Variants in PRKCE observed in about 807,000 individuals in gnomAD.
PRKCE encodes protein kinase C epsilon type.
PRKCE carries 16 observed loss-of-function variants against 85.4 expected under a neutral mutation model. The ratio of observed to expected loss-of-function variants is 0.19; its 90% CI spans 0.13 to 0.28. PRKCE has a LOEUF of 0.28. Ranked by LOEUF, PRKCE falls within the 10% of genes least tolerant of loss-of-function variation. The probability of loss-of-function intolerance (pLI) is 1.00; values close to 1 mark genes in which losing one functional copy is unlikely to be tolerated. For synonymous variants in PRKCE, 388 were observed against 371.5 expected, an observed-to-expected ratio of 1.04 and a Z score of -0.51; for missense variants, 573 against 975.2, an observed-to-expected ratio of 0.59 and a Z score of 5.49.
chr2:45,820,110 A>G (rs892909782), intron 1 of PRKCE, among the ~76,000 whole-genome samples: 22 of 152,222 alleles, frequency 1.4e-4, no homozygotes, highest in Admixed American at 1.0e-3. Context: ...CGAATCCTCA[A>G]TGGGATTTTC....
chr2:45,945,385 T>G (rs1252093576), intron 2 of PRKCE, among the ~76,000 whole-genome samples: 1 of 151,248 alleles, frequency 6.6e-6, no homozygotes, highest in Non-Finnish European at 1.5e-5. Flanking sequence ...GGTGTCATAC[T>G]CTGTCAAACA....
rs1297750589 is a variant in PRKCE at position 45,709,802 on chromosome 2, G to T, written c.348+57354G>T. 2.6e-5 allele frequency among the ~76,000 whole-genome samples: 4 copies of T among 152,106 alleles called. No individual in the cohort carries two copies. In the East Asian group the frequency reaches 7.7e-4, roughly 29 times the overall value. ...GAGAGATGTCTCCTGTCTCCCCTGT[G>T]ACCATGTATCTTTTTTTTTGTTTGT... On this transcript the variant is annotated intron_variant, in intron 1 of 14. Coordinates refer to ENST00000306156, the MANE Select transcript of PRKCE (RefSeq NM_005400.3).
chr2:46,183,390 T>C (rs1159607050), intron 14 of PRKCE, among the ~76,000 whole-genome samples: 1 of 152,248 alleles, frequency 6.6e-6, no homozygotes, highest in African/African-American at 2.4e-5. Context: ...GAGCATAGCA[T>C]ATATTAATAT....
At chr2:45,973,565 C>T (rs774720009) in intron 2 of PRKCE, among the ~76,000 whole-genome samples, 4 of 152,220 alleles carry the variant, frequency 2.6e-5, no homozygotes, top group Admixed American at 6.5e-5. Context: ...CTCTGACTTA[C>T]AGGAGTTATC....
chr2:46,106,565 AG>A (rs1671739654), intron 11 of PRKCE, among the ~76,000 whole-genome samples: 1 of 152,216 alleles, frequency 6.6e-6, no homozygotes, highest in African/African-American at 2.4e-5. Context: ...GCAAATTCCA[AG>A]GGCCATAACA....
chr2:45,835,751 C>T (rs1294960599), intron 1 of PRKCE, among the ~76,000 whole-genome samples: 2 of 152,090 alleles, frequency 1.3e-5, no homozygotes, highest in South Asian at 4.2e-4. Flanking sequence ...CCACCATGCT[C>T]AGCTATTTTT....
intron 11 of PRKCE, among the ~76,000 whole-genome samples, chr2:46,096,366 T>G (rs1670679236): frequency 6.6e-6 from 1 of 152,154 alleles, no homozygotes; most frequent in East Asian, 1.9e-4. Context: ...AGTTCTGGAG[T>G]CAGAAAGTGA....
intron 10 of PRKCE, among the ~76,000 whole-genome samples, chr2:46,030,648 C>T (rs1270460923): frequency 6.6e-6 from 1 of 152,196 alleles, no homozygotes; most frequent in Non-Finnish European, 1.5e-5. Flanking sequence ...TTCAGGGTCT[C>T]TGAAATTAAT....
At chr2:45,877,240 C>T (rs1694547818) in intron 2 of PRKCE, among the ~76,000 whole-genome samples, 1 of 152,098 alleles carries the variant, frequency 6.6e-6, no homozygotes, top group African/African-American at 2.4e-5. Flanking sequence ...GTCCCCTCAC[C>T]CCATCTCTTT....
At chr2:46,055,963 A>G (rs1051654798) in intron 10 of PRKCE, among the ~76,000 whole-genome samples, 1 of 152,146 alleles carries the variant, frequency 6.6e-6, no homozygotes, top group Admixed American at 6.5e-5. Flanking sequence ...GCGCCCGGCC[A>G]GTAAGTCTAA....
At chr2:45,784,012 C>T (rs1308686569) in intron 1 of PRKCE, among the ~76,000 whole-genome samples, 7 of 152,264 alleles carry the variant, frequency 4.6e-5, no homozygotes, top group Non-Finnish European at 1.0e-4. Context: ...CAGTCACACA[C>T]ACACTCACCC....
At chr2:46,030,766 A>C (rs1157043369) in intron 10 of PRKCE, among the ~76,000 whole-genome samples, 1 of 152,208 alleles carries the variant, frequency 6.6e-6, no homozygotes, top group East Asian at 1.9e-4. Flanking sequence ...TCCACCTTCT[A>C]ACCCACCATT....
intron 2 of PRKCE, among the ~76,000 whole-genome samples, chr2:45,955,297 A>G (rs1574012808): frequency 6.6e-6 from 1 of 152,256 alleles, no homozygotes; most frequent in Middle Eastern, 3.4e-3. Flanking sequence ...GAACTGGTAT[A>G]ATGAGAAGTT....
chr2:45,966,736 C>A (rs1701757049), intron 2 of PRKCE, among the ~76,000 whole-genome samples: 1 of 152,066 alleles, frequency 6.6e-6, no homozygotes, highest in East Asian at 1.9e-4. Flanking sequence ...GGTCCTAAAG[C>A]CTTGTGGGAT....
At chr2:45,758,828 C>A (rs923978629) in intron 1 of PRKCE, among the ~76,000 whole-genome samples, 21 of 152,170 alleles carry the variant, frequency 1.4e-4, no homozygotes, top group African/African-American at 4.6e-4. Context: ...TAGGCTGTGT[C>A]TTAGGGGTGA....
intron 2 of PRKCE, among the ~76,000 whole-genome samples, chr2:45,861,853 A>T (rs1040703599): frequency 1.3e-5 from 2 of 152,222 alleles, no homozygotes; most frequent in Non-Finnish European, 2.9e-5. Flanking sequence ...ACCATTATAA[A>T]GTTTTAGGTT....
At chr2:45,735,110 G>C (rs1381623598) in intron 1 of PRKCE, among the ~76,000 whole-genome samples, 2 of 152,196 alleles carry the variant, frequency 1.3e-5, no homozygotes, top group African/African-American at 4.8e-5. Context: ...GGAAACAGTG[G>C]CCTGTGATGT....
intron 10 of PRKCE, among the ~76,000 whole-genome samples, chr2:46,045,742 G>C (rs1350808224): frequency 6.6e-6 from 1 of 152,194 alleles, no homozygotes; most frequent in African/African-American, 2.4e-5. Flanking sequence ...AGCTGGGCAT[G>C]GTGGCACATG....
rs1407635484 is a variant in PRKCE, at chr2:46,159,152, A to G, written c.1921-454A>G. On this transcript the variant is annotated intron_variant, in intron 13 of 14. Transcript: ENST00000306156. The surrounding 1 kb of genome is among the most constrained non-coding windows in gnomAD (Gnocchi z 4.1). The stretch of plus-strand genomic sequence containing the variant: ...ACCTGGTCCTTATTCCTTATCTCAA[A>G]AAGGACCGTTGACCCCTCCATGTAA... Among the ~76,000 whole-genome samples the G allele has an allele frequency of 1.3e-5, 2 of 152,290 alleles. No individual in the cohort carries two copies. Among genetic ancestry groups the G allele is most frequent in the East Asian group, 3.9e-4 (2 of 5,178 alleles).
Sources: allele counts gnomAD v4.1 joint callset (sites outside exome capture counted in the v4.1 genomes callset), GRCh38; gene constraint gnomAD v4.1.1; non-coding constraint Gnocchi (gnomAD v3.1); transcripts MANE v1.5; gene names NCBI Gene and HGNC (gene_info 2026-07-23, HGNC 2026-07-21).